The following NPAS3 variants were observed in gnomAD, a reference collection of about 807,000 sequenced individuals.
NPAS3 encodes the protein neuronal PAS domain protein 3, also known as neuronal PAS domain-containing protein 3.
In NPAS3, 14 loss-of-function variants were observed where a neutral mutation model predicts 73.1. The observed-to-expected ratio is 0.19, with a 90% CI of 0.13 to 0.30. The LOEUF is 0.30. Ranked by LOEUF, NPAS3 falls within the 10% of genes least tolerant of loss-of-function variation. The pLI is 1.00. For missense variants in NPAS3, 1,096 were observed against 1,250.0 expected, an observed-to-expected ratio of 0.88 and a Z score of 1.86; for synonymous variants, 620 against 541.5, an observed-to-expected ratio of 1.14 and a Z score of -2.01.
intron 5 of NPAS3, among the ~76,000 whole-genome samples, chr14:33,626,721 C>A (rs2058229834): frequency 6.6e-6 from 1 of 152,112 alleles, no homozygotes; most frequent in South Asian, 2.1e-4. Flanking sequence ...AAGCTTCCTG[C>A]CTGTATGGAG....
At chr14:33,695,788 A>C (rs951168685) in intron 6 of NPAS3, among the ~76,000 whole-genome samples, 1 of 152,208 alleles carries the variant, frequency 6.6e-6, no homozygotes, top group Non-Finnish European at 1.5e-5. Context: ...AAAGGAATTG[A>C]TTGCCACAGC....
chr14:33,012,837 A>C (rs2039259591), intron 1 of NPAS3, among the ~76,000 whole-genome samples: 1 of 152,224 alleles, frequency 6.6e-6, no homozygotes, highest in Non-Finnish European at 1.5e-5. Flanking sequence ...GGCGTGAGCC[A>C]CAGCGCCCGG....
At chr14:33,480,843 T>A (rs2051291800) in intron 4 of NPAS3, among the ~76,000 whole-genome samples, 1 of 151,996 alleles carries the variant, frequency 6.6e-6, no homozygotes, top group East Asian at 1.9e-4. Context: ...TTGACAGTGA[T>A]GCTTATACTG....
At chr14:33,793,828 T>TA (rs36025922) in intron 9 of NPAS3, 69 bp from the exon 10 acceptor site, 31,438 of 1,310,848 alleles carry the variant, frequency 0.024, 4 homozygotes, top group Middle Eastern at 0.035. Context: ...TTTGCAGAGA[T>TA]AAAAAAAAAA....
intron 4 of NPAS3, among the ~76,000 whole-genome samples, chr14:33,531,662 C>T (rs1292385248): frequency 2.6e-5 from 4 of 152,086 alleles, no homozygotes; most frequent in Admixed American, 6.6e-5. Context: ...TTTGTGTGAA[C>T]ATAGACTTAC....
chr14:33,134,892 G>A (rs567078417), intron 2 of NPAS3, among the ~76,000 whole-genome samples: 1 of 150,962 alleles, frequency 6.6e-6, no homozygotes, highest in Non-Finnish European at 1.5e-5. Flanking sequence ...GCTGGTTAAA[G>A]GAGAGGCATT....
At chr14:33,411,379 C>T (rs1204759107) in intron 4 of NPAS3, among the ~76,000 whole-genome samples, 4 of 152,124 alleles carry the variant, frequency 2.6e-5, no homozygotes, top group East Asian at 1.9e-4. Flanking sequence ...GACAGGGTTT[C>T]GCCATGTTGG....
rs116442583 is a variant in NPAS3, at chr14:33,262,550, T to C, written c.385+47124T>C. Reference sequence around the variant, plus strand: ...TGTTAAAATTGTTACCTTGGATATATTTAATAATAGTAAAACATTGCCTGT... The same window carrying C: ...TGTTAAAATTGTTACCTTGGATATACTTAATAATAGTAAAACATTGCCTGT... On this transcript the variant is annotated intron_variant, in intron 3 of 11. Transcript: ENST00000356141. Among the ~76,000 whole-genome samples, 813 of 152,300 alleles carry C rather than the reference T, an allele frequency of 5.3e-3. 6 individuals are homozygous for C. The highest frequency in any genetic ancestry group is 0.019 in the African/African-American group (771 of 41,570).
chr14:33,331,195 T>C (rs1211318793), intron 3 of NPAS3, among the ~76,000 whole-genome samples: 1 of 152,216 alleles, frequency 6.6e-6, no homozygotes, highest in Non-Finnish European at 1.5e-5. Flanking sequence ...TTTAAGGCTA[T>C]AAAGTTGTTC....
intron 5 of NPAS3, among the ~76,000 whole-genome samples, chr14:33,570,047 G>C (rs189979843): frequency 6.6e-6 from 1 of 152,162 alleles, no homozygotes; most frequent in Non-Finnish European, 1.5e-5. Flanking sequence ...CCTTTAAGTG[G>C]TGAGTTCCTT....
At chr14:33,611,657 C>A (rs913602220) in intron 5 of NPAS3, among the ~76,000 whole-genome samples, 4 of 152,104 alleles carry the variant, frequency 2.6e-5, no homozygotes, top group African/African-American at 4.8e-5. Context: ...CAGTTATTTG[C>A]GTGAACTAGA....
At chr14:32,972,669 G>A (rs778965910) in intron 1 of NPAS3, among the ~76,000 whole-genome samples, 4 of 152,196 alleles carry the variant, frequency 2.6e-5, no homozygotes, top group Non-Finnish European at 5.9e-5. Context: ...TTTGTCTGCT[G>A]TGGAACCTAC....
chr14:33,032,803 T>C (rs1020724065), intron 1 of NPAS3, among the ~76,000 whole-genome samples: 2 of 152,212 alleles, frequency 1.3e-5, no homozygotes, highest in African/African-American at 4.8e-5. Context: ...AACAAATTAT[T>C]TGTACTTAAA....
At chr14:32,972,128 CAG>C (rs1205030077) in intron 1 of NPAS3, among the ~76,000 whole-genome samples, 1 of 151,658 alleles carries the variant, frequency 6.6e-6, no homozygotes, top group Admixed American at 6.6e-5. Flanking sequence ...TTAGTGGAGA[CAG>C]AGTTTCACCA....
At chr14:33,125,135 T>A (rs2043378931) in intron 2 of NPAS3, among the ~76,000 whole-genome samples, 1 of 152,148 alleles carries the variant, frequency 6.6e-6, no homozygotes, top group Non-Finnish European at 1.5e-5. Context: ...GACTTCTCAG[T>A]GCCCAGACTT....
At chr14:33,488,116 T>C (rs544012589) in intron 4 of NPAS3, among the ~76,000 whole-genome samples, 5 of 152,048 alleles carry the variant, frequency 3.3e-5, no homozygotes, top group Non-Finnish European at 7.4e-5. Context: ...GTGTCACTTC[T>C]CTGGGAAAAG....
chr14:33,503,561 G>A (rs2052616328), intron 4 of NPAS3, among the ~76,000 whole-genome samples: 1 of 151,656 alleles, frequency 6.6e-6, no homozygotes, highest in African/African-American at 2.4e-5. Context: ...GCCATATTGT[G>A]CTATTTCTTG....
At chr14:33,195,060 G>C (rs1375311701) in intron 2 of NPAS3, among the ~76,000 whole-genome samples, 2 of 142,676 alleles carry the variant, frequency 1.4e-5, no homozygotes, top group Non-Finnish European at 3.1e-5. Flanking sequence ...TGATTGATTT[G>C]GATTTAGCTT....
intron 2 of NPAS3, among the ~76,000 whole-genome samples, chr14:33,134,171 G>A (rs1219017360): frequency 6.6e-6 from 1 of 151,388 alleles, no homozygotes; most frequent in Non-Finnish European, 1.5e-5. Flanking sequence ...GGAATTTTTG[G>A]GTGATTTTCT....
Sources: gnomAD v4.1 joint callset for allele counts (sites outside exome capture counted in the v4.1 genomes callset) on GRCh38, gnomAD v4.1.1 for gene constraint, MANE v1.5 for transcripts, NCBI Gene and HGNC (gene_info 2026-07-23, HGNC 2026-07-21) for gene names.